TOM1L1: variants seen among roughly 807,000 people sequenced by gnomAD.
The protein encoded by TOM1L1 is target of myb1 like 1 membrane trafficking protein, also known as TOM1-like protein 1.
TOM1L1 carries 64 observed loss-of-function variants against 63.4 expected under a neutral mutation model. That is an observed-to-expected ratio of 1.01 (90% CI 0.83 to 1.24). TOM1L1 has a LOEUF of 1.24. Among genes scored for constraint, TOM1L1 ranks in the 50% most tolerant of loss-of-function variants. TOM1L1 has a pLI of 0.00. For missense variants in TOM1L1, 536 were observed against 567.0 expected (o/e 0.95, Z 0.55); for synonymous variants, 166 against 194.4 (o/e 0.85, Z 1.22).
At chr17:54,958,243 G>C (rs920700831) in intron 14 of TOM1L1, 2 of 152,228 alleles carry the variant, frequency 1.3e-5, no homozygotes, top group African/African-American at 4.8e-5. Flanking sequence ...AACAGTGCCA[G>C]GGGCAGACAA....
chr17:54,930,777 G>T (rs112889944), intron 8 of TOM1L1, among the ~76,000 whole-genome samples: 5 of 152,132 alleles, frequency 3.3e-5, no homozygotes, highest in African/African-American at 1.2e-4. Context: ...GGGAGGTGGA[G>T]GTTGTGGTGA....
At chr17:54,934,588 A>G (rs1429156697) in intron 8 of TOM1L1, among the ~76,000 whole-genome samples, 2 of 152,140 alleles carry the variant, frequency 1.3e-5, no homozygotes, top group Non-Finnish European at 2.9e-5. Flanking sequence ...TGCTCATTAC[A>G]TCCAGGGAAT....
intron 11 of TOM1L1, among the ~76,000 whole-genome samples, chr17:54,944,449 C>CA (rs34562804): frequency 0.02 from 2,788 of 142,808 alleles, 71 homozygotes; most frequent in South Asian, 0.055. Context: ...GACTCTATCT[C>CA]AAAAAAAAAA....
At chr17:54,946,741 T>A (rs2049125515) in intron 11 of TOM1L1, among the ~76,000 whole-genome samples, 1 of 152,182 alleles carries the variant, frequency 6.6e-6, no homozygotes, top group Non-Finnish European at 1.5e-5. Context: ...TCAGGAAATA[T>A]GAAGAGGCAA....
intron 14 of TOM1L1, among the ~76,000 whole-genome samples, chr17:54,955,816 A>T (rs1310853498): frequency 6.6e-6 from 1 of 152,204 alleles, no homozygotes; most frequent in Non-Finnish European, 1.5e-5. Flanking sequence ...TAGTTCATGG[A>T]GCTGCTGCTT....
chr17:54,957,372 G>A (rs1385216871), intron 14 of TOM1L1: 1 of 152,144 alleles, frequency 6.6e-6, no homozygotes, highest in African/African-American at 2.4e-5. Flanking sequence ...TCATATTAGT[G>A]GTTTAAGACA....
chr17:54,934,578 T>C (rs1366693039), intron 8 of TOM1L1, among the ~76,000 whole-genome samples: 3 of 152,204 alleles, frequency 2.0e-5, no homozygotes, highest in Non-Finnish European at 4.4e-5. Flanking sequence ...CCAAAGTCTC[T>C]GCTCATTACA....
chr17:54,942,327 T>G (rs1255026597), intron 11 of TOM1L1: 1 of 151,546 alleles, frequency 6.6e-6, no homozygotes, highest in Admixed American at 6.6e-5. Context: ...GGCTGTGGTC[T>G]CAAACTCCTG....
chr17:54,913,710 G>A lies in TOM1L1; in HGVS notation c.373-38G>A, dbSNP rs112057571. 1.5e-4 allele frequency: 226 copies of A among 1,538,062 alleles called. 2 individuals carry two copies. Among genetic ancestry groups the A allele is most frequent in the African/African-American group, 2.5e-4 (18 of 71,134 alleles). On this transcript the variant is annotated intron_variant, in intron 4 of 15. Transcript: ENST00000575882. ...AGAATTGTGTTTTGGTTTTGTTGCT[G>A]TTTTAACTCTGGAACTTTTTTCATC... is the stretch of plus-strand genomic sequence containing the variant.
Position 54,905,585 on chromosome 17 carries a change from A to G in TOM1L1, c.222+18A>G. 7.0e-7 allele frequency: 1 copy of G among 1,429,476 alleles called. No homozygotes were observed. The highest frequency in any genetic ancestry group is 9.8e-7 in the Non-Finnish European group (1 of 1,020,846). 88.5% of individuals were successfully genotyped at this position (1,429,476 alleles called of 1,614,324 possible). A position where few individuals can be genotyped will look rare whatever the true frequency, so the allele number is the denominator to read the frequency against. ...CCTTGTCAGTAAGTACTTTAATTTT[A>G]TAATTAAGACTCGAGGATTTCTCAA... On this transcript the variant is annotated intron_variant, in intron 3 of 15. Transcript: ENST00000575882.
intron 8 of TOM1L1, among the ~76,000 whole-genome samples, chr17:54,934,956 A>C (rs895342826): frequency 2.0e-5 from 3 of 152,130 alleles, no homozygotes; most frequent in Non-Finnish European, 2.9e-5. Flanking sequence ...GACCTCAAGT[A>C]ATCCACCTGT....
intron 8 of TOM1L1, among the ~76,000 whole-genome samples, chr17:54,935,278 A>C (rs2048927522): frequency 6.6e-6 from 1 of 152,100 alleles, no homozygotes; most frequent in Non-Finnish European, 1.5e-5. Flanking sequence ...CAGGAGTCAC[A>C]AAGTGTTCAG....
intron 7 of TOM1L1, among the ~76,000 whole-genome samples, chr17:54,927,387 T>A (rs993260060): frequency 1.3e-5 from 2 of 152,120 alleles, no homozygotes; most frequent in African/African-American, 4.8e-5. Context: ...CCTCTCTTGG[T>A]CAATGTGGGA....
rs78674388 is a variant in TOM1L1 at position 54,949,547 on chromosome 17, A to G, written c.1212A>G (p.Leu404=). Residue 404 remains leucine (L), a synonymous_variant, in exon 13 of 16, where the codon CTA becomes CTG. Transcript: ENST00000575882. The stretch of plus-strand genomic sequence containing the variant: ...TGGAACATTCAAATTCAGTGTTTCT[A>G]CAGCCAGTTAGTCTACAAACCATTG... ...NFLEHSNSVF[L]QPVSLQTIAA... The G allele has an allele frequency of 2.5e-6, 4 of 1,613,984 alleles. No homozygotes were observed. Among genetic ancestry groups the G allele is most frequent in the Non-Finnish European group, 3.4e-6 (4 of 1,179,876 alleles).
At chr17:54,920,897 G>C (rs551381350) in intron 7 of TOM1L1, among the ~76,000 whole-genome samples, 3 of 152,292 alleles carry the variant, frequency 2.0e-5, no homozygotes, top group East Asian at 3.9e-4. Flanking sequence ...ATGTAGTAAG[G>C]CTGTTAGATT....
At chr17:54,915,438 T>G (rs2048571054) in intron 6 of TOM1L1, among the ~76,000 whole-genome samples, 1 of 152,188 alleles carries the variant, frequency 6.6e-6, no homozygotes, top group Non-Finnish European at 1.5e-5. Context: ...GGTACCTTCT[T>G]CTGCTAGGTA....
intron 12 of TOM1L1, 115 bp from the exon 13 acceptor site, chr17:54,949,403 T>C (rs1223122445): frequency 4.2e-6 from 3 of 720,496 alleles, no homozygotes; most frequent in South Asian, 1.9e-5. Flanking sequence ...AAACAACTTA[T>C]TCTTGTCCAG....
At chr17:54,903,897 T>A in intron 2 of TOM1L1, 105 bp downstream of exon 2, 1 of 961,108 alleles carries the variant, frequency 1.0e-6, no homozygotes, top group Non-Finnish European at 1.6e-6. Flanking sequence ...AAAGAGTGTT[T>A]TCATCATTCA....
At chr17:54,947,437 C>A in intron 12 of TOM1L1, 125 bp downstream of exon 12, 1 of 1,110,440 alleles carries the variant, frequency 9.0e-7, no homozygotes, top group Non-Finnish European at 1.3e-6. Context: ...CCCCTGTTAG[C>A]AAGATGGTAA....
Sources: gnomAD v4.1 joint callset for allele counts (sites outside exome capture counted in the v4.1 genomes callset) on GRCh38, gnomAD v4.1.1 for gene constraint, MANE v1.5 for transcripts, NCBI Gene and HGNC (gene_info 2026-07-23, HGNC 2026-07-21) for gene names.